Variants in PDLIM5 observed in about 807,000 individuals in gnomAD.
PDLIM5 encodes the protein PDZ and LIM domain 5.
Under a neutral mutation model 64.2 loss-of-function variants are expected in PDLIM5, and 34 were observed. The ratio of observed to expected loss-of-function variants is 0.53; its 90% CI spans 0.40 to 0.71. PDLIM5 has a LOEUF of 0.71. Among genes scored for constraint, PDLIM5 ranks in the 30% least tolerant of loss-of-function variants. The pLI, the probability that PDLIM5 is intolerant of heterozygous loss-of-function variation, is 0.00. For synonymous variants in PDLIM5, 253 were observed against 269.1 expected (o/e 0.94, Z 0.59); for missense variants, 683 against 733.6 (o/e 0.93, Z 0.80).
chr4:94,611,546 A>C (rs1036697623), intron 7 of PDLIM5, among the ~76,000 whole-genome samples: 1 of 152,250 alleles, frequency 6.6e-6, no homozygotes, highest in Admixed American at 6.5e-5. Flanking sequence ...TTGGTAAGAC[A>C]TAGCTTTTAG....
chr4:94,488,853 T>C (rs1726590938), intron 2 of PDLIM5, among the ~76,000 whole-genome samples: 1 of 152,240 alleles, frequency 6.6e-6, no homozygotes, highest in Non-Finnish European at 1.5e-5. Flanking sequence ...CATAAAGTGC[T>C]TCAATCTTTA....
At chr4:94,592,053 T>C (rs141139039) in intron 7 of PDLIM5, among the ~76,000 whole-genome samples, 1 of 152,266 alleles carries the variant, frequency 6.6e-6, no homozygotes, top group Non-Finnish European at 1.5e-5. Context: ...CTGAAAGTCA[T>C]GTGGAAGTCA....
chr4:94,662,589 G>A (rs762981812), intron 12 of PDLIM5, 52 bp downstream of exon 12: 2 of 726,790 alleles, frequency 2.8e-6, no homozygotes, highest in Non-Finnish European at 4.8e-6. Context: ...GCCAATTCTA[G>A]CTTTAGTATT....
intron 2 of PDLIM5, among the ~76,000 whole-genome samples, chr4:94,458,050 T>C (rs1287845005): frequency 6.6e-6 from 1 of 152,176 alleles, no homozygotes; most frequent in African/African-American, 2.4e-5. Flanking sequence ...TGGCCTTTCA[T>C]TGTAGTTATT....
At chr4:94,535,597 A>C (rs1412661889) in intron 3 of PDLIM5, among the ~76,000 whole-genome samples, 1 of 152,152 alleles carries the variant, frequency 6.6e-6, no homozygotes, top group Non-Finnish European at 1.5e-5. Context: ...TATATGTCTC[A>C]AAACAGACTA....
intron 3 of PDLIM5, among the ~76,000 whole-genome samples, chr4:94,552,841 T>C (rs1671079726): frequency 6.6e-6 from 1 of 151,958 alleles, no homozygotes; most frequent in African/African-American, 2.4e-5. Flanking sequence ...AAAATGCACA[T>C]CAGGGTAACA....
At chr4:94,458,137 TGTG>T (rs1307370130) in intron 2 of PDLIM5, among the ~76,000 whole-genome samples, 2 of 152,212 alleles carry the variant, frequency 1.3e-5, no homozygotes, top group Admixed American at 6.5e-5. Context: ...TAATTTATAT[TGTG>T]GTAAGATTGT....
At chr4:94,536,587 G>T (rs551271642) in intron 3 of PDLIM5, among the ~76,000 whole-genome samples, 1 of 152,202 alleles carries the variant, frequency 6.6e-6, no homozygotes. Flanking sequence ...AGTCATAGAA[G>T]ATACCAAATA....
At position 94,592,264 on chromosome 4, in the gene PDLIM5, TAAAAC is replaced by T. The variant is rs142190308; in HGVS notation, c.920+5822_920+5826del. On this transcript the variant is annotated intron_variant, in intron 7 of 12. Coordinates refer to ENST00000317968, the MANE Select transcript of PDLIM5 (RefSeq NM_006457.5). ...TTACTGAGTAAATGTAATGAACACT[TAAAAC>T]AGGAAAGCAGTACTTAAAATATTAT... Among the ~76,000 whole-genome samples the T allele has an allele frequency of 5.3e-3, 806 of 152,342 alleles. 9 individuals are homozygous for T. Among genetic ancestry groups the T allele is most frequent in the African/African-American group, 0.019 (772 of 41,578 alleles).
chr4:94,541,907 T>A (rs1312477252), intron 3 of PDLIM5, among the ~76,000 whole-genome samples: 1 of 152,230 alleles, frequency 6.6e-6, no homozygotes, highest in East Asian at 1.9e-4. Context: ...TGTCCTCAGG[T>A]GTGGCAGGTG....
chr4:94,504,287 G>A (rs1052937203), intron 2 of PDLIM5, among the ~76,000 whole-genome samples: 2 of 151,288 alleles, frequency 1.3e-5, no homozygotes, highest in African/African-American at 2.4e-5. Context: ...ATGGTTGTGC[G>A]ACTTTCTTTT....
At chr4:94,456,098 T>C in intron 2 of PDLIM5, 1 of 775,216 alleles carries the variant, frequency 1.3e-6, no homozygotes, top group Non-Finnish European at 1.8e-6. Flanking sequence ...TCATCACCAG[T>C]AGGTAATTAT....
At chr4:94,584,608 G>C (rs1209465262) in intron 5 of PDLIM5, 1 of 177,830 alleles carries the variant, frequency 5.6e-6, no homozygotes, top group Non-Finnish European at 1.2e-5. Context: ...TTCTTTAGGA[G>C]AAGGAATACC....
intron 7 of PDLIM5, among the ~76,000 whole-genome samples, chr4:94,615,593 G>A (rs1738717590): frequency 6.6e-6 from 1 of 152,184 alleles, no homozygotes; most frequent in Non-Finnish European, 1.5e-5. Context: ...TAGGAGATAA[G>A]ATTAGACTGG....
At chr4:94,455,756 CT>C in intron 2 of PDLIM5, 1 of 1,509,212 alleles carries the variant, frequency 6.6e-7, no homozygotes, top group Non-Finnish European at 8.9e-7. Context: ...GTTCCAAAAG[CT>C]GTTTGTTAAA....
At chr4:94,648,841 A>G (rs1053248096) in intron 9 of PDLIM5, among the ~76,000 whole-genome samples, 7 of 152,196 alleles carry the variant, frequency 4.6e-5, no homozygotes, top group Non-Finnish European at 1.0e-4. Context: ...CCTCAGGGCC[A>G]GCAGTAGAGC....
intron 2 of PDLIM5, among the ~76,000 whole-genome samples, chr4:94,468,272 C>A (rs1724550604): frequency 6.6e-6 from 1 of 152,124 alleles, no homozygotes; most frequent in Admixed American, 6.5e-5. Flanking sequence ...CCTGCCTTAG[C>A]CTCCCAAGTA....
chr4:94,635,194 A>C (rs1740459084), intron 8 of PDLIM5, among the ~76,000 whole-genome samples: 1 of 152,178 alleles, frequency 6.6e-6, no homozygotes, highest in African/African-American at 2.4e-5. Context: ...TCTGGTGGTG[A>C]AATGTATTTG....
intron 3 of PDLIM5, among the ~76,000 whole-genome samples, chr4:94,548,519 A>G (rs1420017436): frequency 6.6e-6 from 1 of 152,196 alleles, no homozygotes; most frequent in African/African-American, 2.4e-5. Flanking sequence ...GATTCCATAG[A>G]AAGTTCATAT....
Sources: gnomAD v4.1 joint callset for allele counts (sites outside exome capture counted in the v4.1 genomes callset) on GRCh38, gnomAD v4.1.1 for gene constraint, MANE v1.5 for transcripts, NCBI Gene and HGNC (gene_info 2026-07-23, HGNC 2026-07-21) for gene names.